The following EYA2 variants were observed in gnomAD, a reference collection of about 807,000 sequenced individuals.
EYA2 encodes EYA transcriptional coactivator and phosphatase 2.
A neutral mutation model predicts 69.2 loss-of-function variants in EYA2; 31 were observed. The ratio of observed to expected loss-of-function variants is 0.45; its 90% CI spans 0.34 to 0.60. The LOEUF is 0.60. Ranked by LOEUF, EYA2 falls within the 20% of genes least tolerant of loss-of-function variation. The pLI is 0.02. For synonymous variants in EYA2, 257 were observed against 279.4 expected (o/e 0.92, Z 0.80); for missense variants, 622 against 701.2 (o/e 0.89, Z 1.28).
chr20:47,116,857 G>A (rs1013426229), intron 9 of EYA2, among the ~76,000 whole-genome samples: 4 of 152,226 alleles, frequency 2.6e-5, no homozygotes, highest in South Asian at 2.1e-4. Flanking sequence ...GCTGCTGCAG[G>A]GATGGAAACT....
chr20:47,174,446 A>G (rs2034389266), intron 12 of EYA2, among the ~76,000 whole-genome samples: 1 of 152,242 alleles, frequency 6.6e-6, no homozygotes, highest in Admixed American at 6.5e-5. Context: ...TCCATGCCTG[A>G]TACACAGCGG....
At chr20:47,050,430 C>T (rs770433978) in intron 5 of EYA2, among the ~76,000 whole-genome samples, 46 of 152,182 alleles carry the variant, frequency 3.0e-4, no homozygotes, top group Non-Finnish European at 1.2e-4. Flanking sequence ...GGCTTAAAAA[C>T]ACCCACTAGT....
chr20:46,945,297 G>C (rs569275007), intron 1 of EYA2, among the ~76,000 whole-genome samples: 123 of 152,326 alleles, frequency 8.1e-4, no homozygotes, highest in African/African-American at 2.9e-3. Context: ...GTGCCTGGCA[G>C]TTCGTAAGTG....
intron 10 of EYA2, among the ~76,000 whole-genome samples, chr20:47,144,961 G>C (rs971404538): frequency 2.0e-5 from 3 of 152,176 alleles, no homozygotes; most frequent in Non-Finnish European, 4.4e-5. Flanking sequence ...CGATTGCAAA[G>C]ATCAAAACCC....
At chr20:47,106,542 T>G (rs1433576392) in intron 9 of EYA2, among the ~76,000 whole-genome samples, 2 of 152,132 alleles carry the variant, frequency 1.3e-5, no homozygotes, top group African/African-American at 2.4e-5. Context: ...TGAGAGTCCA[T>G]GGACCCACGA....
At chr20:46,905,398 C>G (rs983773363) in intron 1 of EYA2, among the ~76,000 whole-genome samples, 1 of 152,154 alleles carries the variant, frequency 6.6e-6, no homozygotes, top group Non-Finnish European at 1.5e-5. Context: ...CCTGACCAAC[C>G]AGTTATTTAT....
chr20:47,029,586 T>C (rs927431638), intron 5 of EYA2, among the ~76,000 whole-genome samples: 1 of 152,186 alleles, frequency 6.6e-6, no homozygotes, highest in African/African-American at 2.4e-5. Context: ...TGCTGTCTCT[T>C]ACATCCTTTT....
chr20:46,946,504 G>A (rs1978465790), intron 1 of EYA2, among the ~76,000 whole-genome samples: 1 of 152,126 alleles, frequency 6.6e-6, no homozygotes, highest in African/African-American at 2.4e-5. Context: ...TTCTGGACAT[G>A]ACCCTGGGTC....
At chr20:46,916,429 T>C (rs891496486) in intron 1 of EYA2, among the ~76,000 whole-genome samples, 5 of 152,086 alleles carry the variant, frequency 3.3e-5, no homozygotes, top group Non-Finnish European at 7.4e-5. Context: ...TCTGTGTGAA[T>C]ATGTGTAGGT....
chr20:47,077,008 G>T (rs2031540216), intron 7 of EYA2, among the ~76,000 whole-genome samples: 1 of 152,228 alleles, frequency 6.6e-6, no homozygotes. Flanking sequence ...ATGCTGGGAT[G>T]AAGCAGCAGA....
At chr20:47,106,084 G>C (rs988478633) in intron 9 of EYA2, among the ~76,000 whole-genome samples, 1 of 152,174 alleles carries the variant, frequency 6.6e-6, no homozygotes, top group African/African-American at 2.4e-5. Flanking sequence ...GTCATCTTTT[G>C]TGTTTTGTTT....
At chr20:46,992,037 C>T (rs1981708225) in intron 2 of EYA2, among the ~76,000 whole-genome samples, 1 of 139,932 alleles carries the variant, frequency 7.1e-6, no homozygotes, top group Admixed American at 7.2e-5. Context: ...CTGGCTGCCA[C>T]CAGTAGGAGC....
At chr20:47,155,903 A>G (rs1161339488) in intron 10 of EYA2, among the ~76,000 whole-genome samples, 1 of 150,644 alleles carries the variant, frequency 6.6e-6, no homozygotes, top group Non-Finnish European at 1.5e-5. Context: ...GGGGCCAGCC[A>G]TGGTGGCTCA....
At chr20:47,133,304 A>G (rs1024615378) in intron 9 of EYA2, among the ~76,000 whole-genome samples, 1 of 152,202 alleles carries the variant, frequency 6.6e-6, no homozygotes, top group African/African-American at 2.4e-5. Flanking sequence ...CCTCAGGCCA[A>G]TGCCCATTGG....
chr20:46,952,099 G>A (rs1296683570), intron 1 of EYA2, among the ~76,000 whole-genome samples: 2 of 152,196 alleles, frequency 1.3e-5, no homozygotes, highest in Non-Finnish European at 2.9e-5. Context: ...GAATGTGTCC[G>A]GGGGTGAGAA....
intron 11 of EYA2, among the ~76,000 whole-genome samples, chr20:47,171,095 G>A (rs1349511164): frequency 3.3e-5 from 5 of 152,218 alleles, no homozygotes; most frequent in South Asian, 2.1e-4. Flanking sequence ...CCAGATCAAG[G>A]TTAATTGGTC....
chr20:46,912,063 T>A (rs1409419423), intron 1 of EYA2, among the ~76,000 whole-genome samples: 4 of 152,168 alleles, frequency 2.6e-5, no homozygotes, highest in Non-Finnish European at 5.9e-5. Context: ...TACATACAAT[T>A]GTTATGTATC....
At chr20:46,899,642 A>G (rs899658447) in intron 1 of EYA2, among the ~76,000 whole-genome samples, 1 of 152,138 alleles carries the variant, frequency 6.6e-6, no homozygotes, top group African/African-American at 2.4e-5. Flanking sequence ...ACATTTGGAG[A>G]GCAAAGAATA....
chr20:47,160,199 A>G (rs2034036370), intron 10 of EYA2, among the ~76,000 whole-genome samples: 1 of 152,140 alleles, frequency 6.6e-6, no homozygotes, highest in African/African-American at 2.4e-5. Context: ...AGGAGCAGGA[A>G]GAGTGAGGAG....
Sources: allele counts gnomAD v4.1 joint callset (sites outside exome capture counted in the v4.1 genomes callset), GRCh38; gene constraint gnomAD v4.1.1; transcripts MANE v1.5; gene names NCBI Gene and HGNC (gene_info 2026-07-23, HGNC 2026-07-21).